Variants in NAALADL2 observed in about 807,000 individuals in gnomAD.
The protein encoded by NAALADL2 is N-acetylated alpha-linked acidic dipeptidase like 2.
Under a neutral mutation model 87.2 loss-of-function variants are expected in NAALADL2, and 76 were observed. That is an observed-to-expected ratio of 0.87 (90% CI 0.72 to 1.05). The LOEUF is 1.05. Among genes scored for constraint, NAALADL2 ranks in the 50% least tolerant of loss-of-function variants. NAALADL2 has a pLI of 0.00. For missense variants in NAALADL2, 1,089 were observed against 945.8 expected (o/e 1.15, Z -1.99); for synonymous variants, 354 against 331.0 (o/e 1.07, Z -0.75).
At chr3:175,439,051 C>A (rs952233311) in intron 5 of NAALADL2, among the ~76,000 whole-genome samples, 1 of 152,114 alleles carries the variant, frequency 6.6e-6, no homozygotes, top group African/African-American at 2.4e-5. Context: ...GATCCTTATG[C>A]CTTTGTGTCC....
chr3:174,528,483 T>C (rs554807034), intron 1 of NAALADL2, among the ~76,000 whole-genome samples: 28 of 151,982 alleles, frequency 1.8e-4, no homozygotes, highest in South Asian at 8.3e-4. Context: ...TACAAAAAAC[T>C]TGGGTGTGAC....
chr3:175,069,222 G>A (rs995061051), intron 1 of NAALADL2, among the ~76,000 whole-genome samples: 2 of 149,002 alleles, frequency 1.3e-5, no homozygotes, highest in Admixed American at 6.6e-5. Context: ...GAGTGAACAG[G>A]CAACCTACAA....
At chr3:174,546,560 C>G (rs1722754211) in intron 1 of NAALADL2, among the ~76,000 whole-genome samples, 1 of 152,216 alleles carries the variant, frequency 6.6e-6, no homozygotes. Context: ...ATGGCTTCCT[C>G]TGCAGACTCT....
intron 9 of NAALADL2, among the ~76,000 whole-genome samples, chr3:175,535,342 C>T (rs1734667794): frequency 6.6e-6 from 1 of 152,120 alleles, no homozygotes; most frequent in African/African-American, 2.4e-5. Flanking sequence ...AATTATCAGC[C>T]ATGTCTCAGT....
chr3:174,755,580 C>G (rs1226736572), intron 3 of NAALADL2, among the ~76,000 whole-genome samples: 1 of 152,182 alleles, frequency 6.6e-6, no homozygotes, highest in Admixed American at 6.5e-5. Context: ...TTTGAATACT[C>G]CAGTTCTGCA....
chr3:175,227,913 G>A (rs1744393249), intron 2 of NAALADL2, among the ~76,000 whole-genome samples: 5 of 151,866 alleles, frequency 3.3e-5, no homozygotes, highest in Admixed American at 2.0e-4. Context: ...ATTTTAAACG[G>A]CATCAGAATT....
rs938494281 is a variant in NAALADL2 at position 175,807,160 on chromosome 3, T to G, written c.*3957T>G. 2 of 151,820 alleles carry G rather than the reference T, an allele frequency of 1.3e-5. No homozygotes were observed. Among genetic ancestry groups the G allele is most frequent in the African/African-American group, 2.4e-5 (1 of 41,384 alleles). 9.4% of individuals were successfully genotyped at this position (151,820 alleles called of 1,614,324 possible). A position where few individuals can be genotyped will look rare whatever the true frequency, so the allele number is the denominator to read the frequency against. On this transcript the variant is annotated 3_prime_UTR_variant, in exon 14 of 14. Coordinates refer to ENST00000454872, the MANE Select transcript of NAALADL2 (RefSeq NM_207015.3). ...AACCACAAGTCTTACACTTTCATTC[T>G]CTAAATGCTTATATAATTTCACTAA...
chr3:174,798,689 A>T (rs563649226), intron 3 of NAALADL2, among the ~76,000 whole-genome samples: 1 of 152,000 alleles, frequency 6.6e-6, no homozygotes, highest in East Asian at 1.9e-4. Context: ...TGTTAAATGA[A>T]TTTTTTTAAA....
intron 10 of NAALADL2, among the ~76,000 whole-genome samples, chr3:175,604,669 G>T (rs924926265): frequency 6.6e-6 from 1 of 152,046 alleles, no homozygotes; most frequent in African/African-American, 2.4e-5. Context: ...TTTTGGGTTT[G>T]TCTAATTTTT....
chr3:175,126,510 T>C (rs1726979247), intron 2 of NAALADL2, among the ~76,000 whole-genome samples: 1 of 152,188 alleles, frequency 6.6e-6, no homozygotes, highest in Non-Finnish European at 1.5e-5. Flanking sequence ...TAAAATTCAA[T>C]CTTAGTTCCA....
At chr3:174,966,403 G>A (rs945358699) in intron 1 of NAALADL2, among the ~76,000 whole-genome samples, 3 of 152,110 alleles carry the variant, frequency 2.0e-5, no homozygotes, top group Non-Finnish European at 2.9e-5. Flanking sequence ...TTGGAATAAG[G>A]CATTACCAGA....
chr3:175,291,383 T>C (rs1755616937), intron 4 of NAALADL2, among the ~76,000 whole-genome samples: 1 of 152,168 alleles, frequency 6.6e-6, no homozygotes, highest in Non-Finnish European at 1.5e-5. Flanking sequence ...GAATGATAAA[T>C]AGGTTTATCT....
intron 3 of NAALADL2, among the ~76,000 whole-genome samples, chr3:174,778,277 A>T (rs1434863104): frequency 9.2e-5 from 14 of 152,242 alleles, no homozygotes; most frequent in Admixed American, 6.6e-4. Context: ...ACTTCTCATC[A>T]TATAATATGT....
rs568582406 is a variant in NAALADL2, at chr3:174,927,107, C to CAA, written c.43+67658_43+67659insAA. On this transcript the variant is annotated intron_variant, in intron 1 of 13. Coordinates refer to ENST00000454872, the MANE Select transcript of NAALADL2 (RefSeq NM_207015.3). ...TTAAACCAACAAAAATCAAAAGAGA[C>CAA]AGAAGGCCATTACATAATGGTAAAG... Among the ~76,000 whole-genome samples the CAA allele has an allele frequency of 3.3e-5, 5 of 150,418 alleles. No homozygotes were observed. The South Asian group carries it at 1.0e-3, about 32-fold the overall frequency.
chr3:175,031,650 G>A (rs917309837), intron 1 of NAALADL2, among the ~76,000 whole-genome samples: 4 of 152,014 alleles, frequency 2.6e-5, no homozygotes, highest in African/African-American at 9.7e-5. Context: ...TGAGATTGCT[G>A]GATCAAATGG....
intron 9 of NAALADL2, among the ~76,000 whole-genome samples, chr3:175,528,950 C>A (rs1157623778): frequency 6.6e-6 from 1 of 152,162 alleles, no homozygotes; most frequent in South Asian, 2.1e-4. Context: ...CCTTCTTCTA[C>A]TACCCATTCT....
At chr3:175,640,325 T>C (rs1230391430) in intron 11 of NAALADL2, among the ~76,000 whole-genome samples, 2 of 152,174 alleles carry the variant, frequency 1.3e-5, no homozygotes, top group Non-Finnish European at 2.9e-5. Flanking sequence ...CTTATGTTAA[T>C]TTATCAGCAA....
intron 10 of NAALADL2, among the ~76,000 whole-genome samples, chr3:175,580,607 T>C (rs1719624024): frequency 6.6e-6 from 1 of 152,170 alleles, no homozygotes; most frequent in South Asian, 2.1e-4. Flanking sequence ...ATGAAATCTG[T>C]TTCATGTGGG....
In NAALADL2 at chr3:175,450,171, T is replaced by C. The variant is rs201670533; in HGVS notation, c.1234+2799T>C. Among the ~76,000 whole-genome samples the C allele has an allele frequency of 4.6e-5, 7 of 152,232 alleles. No homozygotes were observed. The East Asian group carries it at 1.4e-3, about 29-fold the overall frequency. ...TTTTGGACAATAATGCTCATAGTTT[T>C]TCTGAGATAATTAAGTTTCCTCATA... is the stretch of plus-strand genomic sequence containing the variant. On this transcript the variant is annotated intron_variant, in intron 6 of 13. Transcript: ENST00000454872.
Sources: gnomAD v4.1 joint callset for allele counts (sites outside exome capture counted in the v4.1 genomes callset) on GRCh38, gnomAD v4.1.1 for gene constraint, MANE v1.5 for transcripts, NCBI Gene and HGNC (gene_info 2026-07-23, HGNC 2026-07-21) for gene names.